Variants in SYT9 observed in about 807,000 individuals in gnomAD.
SYT9 encodes synaptotagmin-9.
Under a neutral mutation model 48.4 loss-of-function variants are expected in SYT9, and 22 were observed. That is an observed-to-expected ratio of 0.45 (90% CI 0.32 to 0.65). The LOEUF (loss-of-function observed/expected upper bound fraction) is 0.65, where lower values mean the gene tolerates loss of function less well. SYT9 is among the 30% of genes least tolerant of loss of function. The pLI is 0.03. For missense variants in SYT9, 577 were observed against 622.0 expected, an observed-to-expected ratio of 0.93 and a Z score of 0.77; for synonymous variants, 265 against 245.0, an observed-to-expected ratio of 1.08 and a Z score of -0.76.
intron 3 of SYT9, among the ~76,000 whole-genome samples, chr11:7,386,908 A>G (rs7114462): frequency 0.77 from 117,390 of 152,122 alleles, 45,905 homozygotes; most frequent in Non-Finnish European, 0.85. Flanking sequence ...CACATGTCCA[A>G]CAATGATAGA....
At chr11:7,344,236 TCCC>T (rs1454471935) in intron 3 of SYT9, among the ~76,000 whole-genome samples, 14 of 151,944 alleles carry the variant, frequency 9.2e-5, no homozygotes, top group Admixed American at 9.2e-4. Flanking sequence ...TCTTCCTAAA[TCCC>T]CCATCTTTTT....
chr11:7,305,414 A>G (rs1849013082), intron 2 of SYT9, among the ~76,000 whole-genome samples: 1 of 152,212 alleles, frequency 6.6e-6, no homozygotes, highest in East Asian at 1.9e-4. Context: ...GTCTGGAAAT[A>G]TATATCCTTG....
At chr11:7,380,326 G>C (rs1326730332) in intron 3 of SYT9, among the ~76,000 whole-genome samples, 1 of 151,968 alleles carries the variant, frequency 6.6e-6, no homozygotes, top group Non-Finnish European at 1.5e-5. Flanking sequence ...GATGGGTAAT[G>C]GGCACAAAAA....
intron 1 of SYT9, among the ~76,000 whole-genome samples, chr11:7,289,268 A>G (rs990504178): frequency 2.0e-5 from 3 of 152,156 alleles, no homozygotes; most frequent in African/African-American, 7.2e-5. Flanking sequence ...AAAATGAGAC[A>G]ACTTGGTTTA....
At chr11:7,423,001 A>T (rs891146064) in intron 6 of SYT9, among the ~76,000 whole-genome samples, 57 of 152,372 alleles carry the variant, frequency 3.7e-4, no homozygotes, top group Admixed American at 3.1e-3. Flanking sequence ...GGGTTAAACC[A>T]CTGAAACTTA....
At chr11:7,396,239 C>T (rs1195455107) in intron 3 of SYT9, among the ~76,000 whole-genome samples, 1 of 152,094 alleles carries the variant, frequency 6.6e-6, no homozygotes, top group Non-Finnish European at 1.5e-5. Flanking sequence ...CCTCCTACTC[C>T]TGGTCTCCTG....
chr11:7,400,532 G>A (rs902225748), intron 3 of SYT9, among the ~76,000 whole-genome samples: 3 of 152,138 alleles, frequency 2.0e-5, no homozygotes, highest in African/African-American at 7.2e-5. Context: ...TAATGACATT[G>A]AAGATAATAT....
intron 6 of SYT9, among the ~76,000 whole-genome samples, chr11:7,463,036 T>C (rs889737999): frequency 3.9e-5 from 6 of 152,234 alleles, no homozygotes; most frequent in Admixed American, 3.3e-4. Context: ...CTCAGGACAA[T>C]TGAATTCACT....
intron 3 of SYT9, among the ~76,000 whole-genome samples, chr11:7,378,747 C>G (rs1352482076): frequency 2.0e-5 from 3 of 152,056 alleles, no homozygotes; most frequent in Non-Finnish European, 4.4e-5. Context: ...TGGCTTAATT[C>G]ACTTGCTGCC....
exon 1 of SYT9, chr11:7,238,856 T>C (rs771950434): frequency 2.2e-5 from 10 of 455,916 alleles, no homozygotes; most frequent in Non-Finnish European, 4.0e-5. Flanking sequence ...AAGCCAGTAA[T>C]GCAGAGAACA....
chr11:7,376,205 A>G (rs1394798826), intron 3 of SYT9, among the ~76,000 whole-genome samples: 2 of 152,078 alleles, frequency 1.3e-5, no homozygotes, highest in East Asian at 1.9e-4. Flanking sequence ...TTCAACAAAT[A>G]TATTTAATAA....
At chr11:7,243,443 A>G (rs1847759328) in intron 1 of SYT9, among the ~76,000 whole-genome samples, 3 of 152,202 alleles carry the variant, frequency 2.0e-5, no homozygotes, top group Admixed American at 2.0e-4. Flanking sequence ...GCCAGAGGCA[A>G]TATAGTGGAT....
intron 6 of SYT9, among the ~76,000 whole-genome samples, chr11:7,430,883 A>G (rs1847556419): frequency 1.3e-5 from 2 of 151,824 alleles, no homozygotes; most frequent in Non-Finnish European, 2.9e-5. Context: ...AGCCAATTAA[A>G]CCTCCTTTCT....
At chr11:7,416,381 G>A (rs367999818) in intron 4 of SYT9, among the ~76,000 whole-genome samples, 1 of 152,082 alleles carries the variant, frequency 6.6e-6, no homozygotes, top group African/African-American at 2.4e-5. Flanking sequence ...CTGGCTCACC[G>A]GGCTGTTGTA....
intron 1 of SYT9, among the ~76,000 whole-genome samples, chr11:7,294,495 G>A (rs999028947): frequency 1.3e-5 from 2 of 152,182 alleles, no homozygotes; most frequent in African/African-American, 2.4e-5. Context: ...AACCAAACAA[G>A]TTATGTGCTT....
intron 6 of SYT9, among the ~76,000 whole-genome samples, chr11:7,464,856 G>A (rs1315383669): frequency 6.6e-6 from 1 of 152,078 alleles, no homozygotes; most frequent in African/African-American, 2.4e-5. Context: ...GCCGAGGCGG[G>A]CGGATCACGA....
intron 6 of SYT9, among the ~76,000 whole-genome samples, chr11:7,464,688 G>A (rs962923834): frequency 7.2e-5 from 11 of 152,182 alleles, no homozygotes; most frequent in Non-Finnish European, 1.5e-4. Flanking sequence ...TCTCTGATGG[G>A]AAGGAACTCA....
intron 3 of SYT9, among the ~76,000 whole-genome samples, chr11:7,368,737 G>C (rs2134026587): frequency 6.6e-6 from 1 of 152,168 alleles, no homozygotes; most frequent in African/African-American, 2.4e-5. Context: ...GTGTATATGT[G>C]CCACATTTTC....
At chr11:7,418,217 C>A in intron 5 of SYT9, 89 bp downstream of exon 5, 2 of 1,427,488 alleles carry the variant, frequency 1.4e-6, no homozygotes, top group Non-Finnish European at 9.5e-7. Context: ...AGATTCTTAC[C>A]TGGTGTCCCA....
Sources: gnomAD v4.1 joint callset for allele counts (sites outside exome capture counted in the v4.1 genomes callset) on GRCh38, gnomAD v4.1.1 for gene constraint, MANE v1.5 for transcripts, NCBI Gene and HGNC (gene_info 2026-07-23, HGNC 2026-07-21) for gene names.